CCDC7: variants seen among roughly 807,000 people sequenced by gnomAD.
CCDC7 encodes the protein coiled-coil domain containing 7.
In CCDC7, 183 loss-of-function variants were observed where a neutral mutation model predicts 196.9. The observed-to-expected ratio is 0.93, with a 90% CI of 0.82 to 1.05. The LOEUF (loss-of-function observed/expected upper bound fraction) is 1.05, where lower values mean the gene tolerates loss of function less well. Among genes scored for constraint, CCDC7 ranks in the 50% least tolerant of loss-of-function variants. The probability of loss-of-function intolerance (pLI) is 0.00; values close to 1 mark genes in which losing one functional copy is unlikely to be tolerated. For missense variants in CCDC7, 1,540 were observed against 1,482.2 expected, an observed-to-expected ratio of 1.04 and a Z score of -0.64; for synonymous variants, 525 against 484.6, an observed-to-expected ratio of 1.08 and a Z score of -1.10.
At chr10:32,569,564 T>C (rs1366329875) in intron 15 of CCDC7, among the ~76,000 whole-genome samples, 5 of 152,106 alleles carry the variant, frequency 3.3e-5, no homozygotes, top group Non-Finnish European at 7.4e-5. Flanking sequence ...GTAGCTGAGA[T>C]TACAGGAGCC....
In CCDC7 at chr10:32,646,711, T is replaced by C. The variant is rs572001381; in HGVS notation, c.2014+11553T>C. Among the ~76,000 whole-genome samples, 17 of 152,328 alleles carry C rather than the reference T, an allele frequency of 1.1e-4. No individual in the cohort carries two copies. In the South Asian group the frequency reaches 3.5e-3, roughly 32 times the overall value. ...CTTTGGTAGTAAGCATAGTACTACA[T>C]AGGTAGTTTTTAAACCCACCACCAC... On this transcript the variant is annotated intron_variant, in intron 20 of 41. Coordinates refer to ENST00000639629, the Ensembl canonical transcript of CCDC7.
chr10:32,818,379 A>T (rs1450457980), intron 31 of CCDC7, among the ~76,000 whole-genome samples: 2 of 152,174 alleles, frequency 1.3e-5, no homozygotes, highest in Non-Finnish European at 2.9e-5. Context: ...ACTCCCACAC[A>T]ATAATAATGG....
At chr10:32,739,282 T>C (rs2085409111) in intron 28 of CCDC7, among the ~76,000 whole-genome samples, 2 of 152,128 alleles carry the variant, frequency 1.3e-5, no homozygotes, top group South Asian at 4.1e-4. Context: ...GTATTATACC[T>C]TTTGTAATTT....
chr10:32,724,652 G>C (rs1338562898), intron 25 of CCDC7, among the ~76,000 whole-genome samples: 1 of 152,070 alleles, frequency 6.6e-6, no homozygotes, highest in East Asian at 1.9e-4. Context: ...GAGTGGAAAA[G>C]TACTGAACAC....
chr10:32,700,007 C>T (rs1380999692), intron 24 of CCDC7, among the ~76,000 whole-genome samples: 1 of 149,412 alleles, frequency 6.7e-6, no homozygotes, highest in East Asian at 1.9e-4. Flanking sequence ...TGTAGGTTGC[C>T]TGTTCACTCT....
At chr10:32,702,286 T>A (rs2078893078) in intron 24 of CCDC7, among the ~76,000 whole-genome samples, 1 of 152,224 alleles carries the variant, frequency 6.6e-6, no homozygotes, top group Admixed American at 6.5e-5. Flanking sequence ...TACCTAGTAG[T>A]CATTCAGGAG....
intron 21 of CCDC7, among the ~76,000 whole-genome samples, chr10:32,680,354 A>G (rs1011227667): frequency 3.3e-5 from 5 of 152,202 alleles, no homozygotes; most frequent in African/African-American, 1.2e-4. Flanking sequence ...ATCTATATTC[A>G]TAAGACCTTC....
chr10:32,814,569 G>A, intron 31 of CCDC7, 116 bp downstream of exon 32: 1 of 667,330 alleles, frequency 1.5e-6, no homozygotes, highest in Non-Finnish European at 2.6e-6. Context: ...ATAGGCAAAA[G>A]TCTTTATGAA....
At chr10:32,815,194 G>A (rs2088142127) in intron 31 of CCDC7, among the ~76,000 whole-genome samples, 2 of 152,130 alleles carry the variant, frequency 1.3e-5, no homozygotes, top group African/African-American at 4.8e-5. Context: ...TTTAGGACAT[G>A]CACAGAAACA....
At chr10:32,781,201 G>A (rs542990561) in intron 29 of CCDC7, among the ~76,000 whole-genome samples, 36 of 152,168 alleles carry the variant, frequency 2.4e-4, no homozygotes, top group African/African-American at 8.2e-4. Context: ...AGGACCAGAC[G>A]ACTTTATGGG....
At chr10:32,706,794 C>G (rs1020427902) in intron 24 of CCDC7, among the ~76,000 whole-genome samples, 6 of 152,148 alleles carry the variant, frequency 3.9e-5, no homozygotes, top group Admixed American at 3.9e-4. Context: ...CCTGAATAGT[C>G]CAATAACAGG....
intron 32 of CCDC7, among the ~76,000 whole-genome samples, chr10:32,825,346 TC>T (rs2090952038): frequency 6.6e-6 from 1 of 152,142 alleles, no homozygotes; most frequent in Non-Finnish European, 1.5e-5. Flanking sequence ...GGCAGACACA[TC>T]CTTAATCTGG....
intron 13 of CCDC7, among the ~76,000 whole-genome samples, chr10:32,556,359 T>C (rs1310720216): frequency 6.6e-6 from 1 of 152,222 alleles, no homozygotes; most frequent in Non-Finnish European, 1.5e-5. Context: ...GAGTTGATGG[T>C]TCCAGCAAGT....
At chr10:32,455,686 G>A (rs900214231) in intron 2 of CCDC7, among the ~76,000 whole-genome samples, 2 of 152,106 alleles carry the variant, frequency 1.3e-5, no homozygotes, top group African/African-American at 4.8e-5. Context: ...AATCCTAACT[G>A]TATATAAGCC....
chr10:32,656,357 A>C (rs2140271033), intron 20 of CCDC7, among the ~76,000 whole-genome samples: 1 of 152,328 alleles, frequency 6.6e-6, no homozygotes, highest in Admixed American at 6.5e-5. Context: ...GTGTTAGTCC[A>C]TTCTTATGTT....
At chr10:32,551,842 C>T (rs868188870) in intron 13 of CCDC7, among the ~76,000 whole-genome samples, 104 of 152,128 alleles carry the variant, frequency 6.8e-4, no homozygotes, top group African/African-American at 2.2e-3. Context: ...GGAGAAAGTT[C>T]CATGCGCTGT....
intron 29 of CCDC7, among the ~76,000 whole-genome samples, chr10:32,800,922 G>A (rs933152389): frequency 9.9e-5 from 15 of 152,196 alleles, no homozygotes; most frequent in African/African-American, 1.4e-4. Context: ...TAGAAACACC[G>A]TGATTAATTA....
intron 29 of CCDC7, among the ~76,000 whole-genome samples, chr10:32,800,972 T>A (rs2084669558): frequency 6.6e-6 from 1 of 152,262 alleles, no homozygotes; most frequent in South Asian, 2.1e-4. Flanking sequence ...CTATTCTGAT[T>A]GCTACTTTGC....
chr10:32,453,218 G>A, intron 1 of CCDC7, 126 bp from the exon 3 acceptor site: 3 of 648,226 alleles, frequency 4.6e-6, no homozygotes, highest in Non-Finnish European at 4.3e-6. Context: ...TAAGTTTATG[G>A]CACTGGAAGA....
Sources: allele counts gnomAD v4.1 joint callset (sites outside exome capture counted in the v4.1 genomes callset), GRCh38; gene constraint gnomAD v4.1.1; transcripts MANE v1.5; gene names NCBI Gene and HGNC (gene_info 2026-07-23, HGNC 2026-07-21).